The following SLC35F2 variants were observed in gnomAD, a reference collection of about 807,000 sequenced individuals.
SLC35F2 encodes the protein queuine/queuosine transporter SLC35F2.
A neutral mutation model predicts 38.1 loss-of-function variants in SLC35F2; 25 were observed. That is an observed-to-expected ratio of 0.66 (90% CI 0.48 to 0.92). SLC35F2 has a LOEUF of 0.92. Ranked by LOEUF, SLC35F2 falls within the 40% of genes least tolerant of loss-of-function variation. The probability of loss-of-function intolerance (pLI) is 0.00; values close to 1 mark genes in which losing one functional copy is unlikely to be tolerated. For missense variants in SLC35F2, 409 were observed against 452.9 expected, an observed-to-expected ratio of 0.90 and a Z score of 0.88; for synonymous variants, 173 against 181.7, an observed-to-expected ratio of 0.95 and a Z score of 0.38.
chr11:107,828,433 C>CA (rs201937489), intron 1 of SLC35F2, among the ~76,000 whole-genome samples: 3,485 of 88,362 alleles, frequency 0.039, 144 homozygotes, highest in African/African-American at 0.1. Context: ...AACTCCATCT[C>CA]AAAAAAAAAA....
At chr11:107,842,281 A>AAAAAAAAAAAAAAAAAAAAAAC in intron 1 of SLC35F2, among the ~76,000 whole-genome samples, 1 of 148,378 alleles carries the variant, frequency 6.7e-6, no homozygotes, top group Non-Finnish European at 1.5e-5. Flanking sequence ...AAAAAAAAAA[A>AAAAAAAAAAAAAAAAAAAAAAC]AAAATTAAAG....
chr11:107,851,489 T>TA (rs34329358), intron 1 of SLC35F2, among the ~76,000 whole-genome samples: 105,876 of 124,628 alleles, frequency 0.85, 44,904 homozygotes, highest in South Asian at 0.91. Flanking sequence ...AAAAATAAAT[T>TA]AAAAAAAAAA....
At chr11:107,811,585 A>G (rs865934612) in intron 3 of SLC35F2, 82 bp downstream of exon 3, 9 of 1,326,852 alleles carry the variant, frequency 6.8e-6, no homozygotes, top group Middle Eastern at 3.9e-4. Flanking sequence ...TAGATTTTCA[A>G]TAAAATTAGG....
At chr11:107,830,807 T>C (rs993086173) in intron 1 of SLC35F2, among the ~76,000 whole-genome samples, 5 of 152,000 alleles carry the variant, frequency 3.3e-5, no homozygotes, top group Non-Finnish European at 1.5e-5. Flanking sequence ...AGGTGTCTGA[T>C]TAGTTAAAAG....
At chr11:107,824,676 A>G (rs1859726340) in intron 1 of SLC35F2, among the ~76,000 whole-genome samples, 1 of 152,210 alleles carries the variant, frequency 6.6e-6, no homozygotes, top group Admixed American at 6.5e-5. Context: ...AAGTGAGTGT[A>G]ATACCACCTT....
intron 7 of SLC35F2, 93 bp downstream of exon 7, chr11:107,802,908 G>A: frequency 1.6e-6 from 2 of 1,237,130 alleles, no homozygotes; most frequent in South Asian, 1.7e-5. Flanking sequence ...AAGATGAGAA[G>A]GTTTTATTTT....
At chr11:107,843,866 AAAATATATATATAT>A (rs1226339076) in intron 1 of SLC35F2, among the ~76,000 whole-genome samples, 17 of 38,464 alleles carry the variant, frequency 4.4e-4, no homozygotes, top group East Asian at 1.1e-3. Context: ...AAAAAAAAAA[AAAATATATATATAT>A]ATATATATAT....
At chr11:107,830,934 A>G (rs1859830091) in intron 1 of SLC35F2, among the ~76,000 whole-genome samples, 1 of 152,212 alleles carries the variant, frequency 6.6e-6, no homozygotes, top group South Asian at 2.1e-4. Context: ...GGGGTTCATA[A>G]TGGAAGAAAA....
intron 1 of SLC35F2, among the ~76,000 whole-genome samples, chr11:107,829,584 C>T (rs1483300918): frequency 1.3e-5 from 2 of 150,880 alleles, no homozygotes; most frequent in East Asian, 2.0e-4. Flanking sequence ...AACTTCTTTT[C>T]TGTATAAATT....
Position 107,840,201 on chromosome 11 carries a change from G to A in SLC35F2, c.110+18457C>T, listed in dbSNP as rs569783530. 1.3e-5 allele frequency among the ~76,000 whole-genome samples: 2 copies of A among 152,288 alleles called. 1 individual carries two copies. Among genetic ancestry groups the A allele is most frequent in the African/African-American group, 4.8e-5 (2 of 41,562 alleles). On this transcript the variant is annotated intron_variant, in intron 1 of 7. Transcript: ENST00000525815. ...AGAGGAGCTCCAGGAGGGCTGAAAA[G>A]GTGGGTGCTGGGGTGGGAGGCAGGT... is the stretch of plus-strand genomic sequence containing the variant.
chr11:107,813,131 G>C (rs1238376350), intron 2 of SLC35F2, among the ~76,000 whole-genome samples: 1 of 152,120 alleles, frequency 6.6e-6, no homozygotes, highest in African/African-American at 2.4e-5. Flanking sequence ...GTAAAATCCA[G>C]TTAGCAGGAA....
At chr11:107,842,249 C>T (rs1261700775) in intron 1 of SLC35F2, among the ~76,000 whole-genome samples, 2 of 14,606 alleles carry the variant, frequency 1.4e-4, no homozygotes, top group African/African-American at 2.7e-4. Context: ...GAGTGAGACT[C>T]CGTCTCACAA....
At chr11:107,799,880 T>G (rs994144731) in intron 7 of SLC35F2, among the ~76,000 whole-genome samples, 84 of 113,590 alleles carry the variant, frequency 7.4e-4, no homozygotes, top group African/African-American at 2.6e-3. Flanking sequence ...TTTTTTTGTT[T>G]TTGTTTGTTT....
chr11:107,852,334 G>A (rs1343952696), intron 1 of SLC35F2, among the ~76,000 whole-genome samples: 4 of 151,840 alleles, frequency 2.6e-5, no homozygotes, highest in Non-Finnish European at 5.9e-5. Flanking sequence ...GGCGAATCAC[G>A]AGGTGAGGAG....
intron 1 of SLC35F2, among the ~76,000 whole-genome samples, chr11:107,825,882 G>GAA (rs1859746896): frequency 6.6e-6 from 1 of 152,090 alleles, no homozygotes; most frequent in Non-Finnish European, 1.5e-5. Flanking sequence ...ACTGTTGCTG[G>GAA]TAAAAGCGTA....
At chr11:107,843,025 A>G (rs1307390003) in intron 1 of SLC35F2, among the ~76,000 whole-genome samples, 1 of 152,252 alleles carries the variant, frequency 6.6e-6, no homozygotes, top group East Asian at 1.9e-4. Flanking sequence ...ATATGAATTA[A>G]TTTTATCAAC....
chr11:107,811,619 T>G (rs751973038), intron 3 of SLC35F2, 48 bp downstream of exon 3: 1 of 1,543,044 alleles, frequency 6.5e-7, no homozygotes, highest in Admixed American at 2.0e-5. Flanking sequence ...CTTCGTGTTC[T>G]TCTTTTGAAG....
intron 7 of SLC35F2, among the ~76,000 whole-genome samples, chr11:107,794,992 G>A (rs778016760): frequency 1.2e-4 from 18 of 152,090 alleles, no homozygotes; most frequent in Non-Finnish European, 2.4e-4. Context: ...ATTTAACCAA[G>A]GAGGTGAAAG....
At chr11:107,821,142 T>C (rs1859664737) in intron 1 of SLC35F2, among the ~76,000 whole-genome samples, 1 of 152,088 alleles carries the variant, frequency 6.6e-6, no homozygotes, top group South Asian at 2.1e-4. Flanking sequence ...CCTAATCAAA[T>C]TGAGAGCATT....
Sources: allele counts gnomAD v4.1 joint callset (sites outside exome capture counted in the v4.1 genomes callset), GRCh38; gene constraint gnomAD v4.1.1; transcripts MANE v1.5; gene names NCBI Gene and HGNC (gene_info 2026-07-23, HGNC 2026-07-21).